Variants in SNX30 observed in about 807,000 individuals in gnomAD.
SNX30 encodes sorting nexin family member 30.
SNX30 carries 24 observed loss-of-function variants against 46.4 expected under a neutral mutation model. The ratio of observed to expected loss-of-function variants is 0.52; its 90% CI spans 0.37 to 0.73. SNX30 has a LOEUF of 0.73. Among genes scored for constraint, SNX30 ranks in the 30% least tolerant of loss-of-function variants. SNX30 has a pLI of 0.00. For missense variants in SNX30, 533 were observed against 555.7 expected (o/e 0.96, Z 0.41); for synonymous variants, 189 against 211.5 (o/e 0.89, Z 0.92).
chr9:112,848,191 C>G (rs1253894740), intron 6 of SNX30, among the ~76,000 whole-genome samples: 1 of 151,904 alleles, frequency 6.6e-6, no homozygotes, highest in Non-Finnish European at 1.5e-5. Flanking sequence ...GATGATGACT[C>G]TCTTCTGCTT....
Position 112,838,588 on chromosome 9 carries a change from C to T in SNX30, c.905C>T (p.Ser302Leu). 1 of 1,614,180 alleles carries T rather than the reference C, an allele frequency of 6.2e-7. No homozygotes were observed. The highest frequency in any genetic ancestry group is 2.2e-5 in the East Asian group (1 of 44,886). ...CTGGCTGAACCCCTGGAGGGTGTGT[C>T]AGCTTGCATTGGGAACTGCTCTACA... Reference protein sequence around the residue: ...GELAEPLEGVSACIGNCSTAL... With the variant: ...GELAEPLEGVLACIGNCSTAL... The change falls in exon 6 of 9, where the codon TCA becomes TTA. Residue 302 changes from serine (S) to leucine (L), a missense_variant. By Grantham distance (145) the Ser-to-Leu change is moderately radical (BLOSUM62 -2). Coordinates refer to ENST00000374232, the MANE Select transcript of SNX30 (RefSeq NM_001012994.2).
intron 2 of SNX30, among the ~76,000 whole-genome samples, chr9:112,807,891 T>C (rs920479563): frequency 6.6e-6 from 1 of 152,248 alleles, no homozygotes; most frequent in Non-Finnish European, 1.5e-5. Context: ...AGTCATTAAA[T>C]GCCTTAGAGT....
chr9:112,856,514 G>A (rs914420909), intron 7 of SNX30, among the ~76,000 whole-genome samples: 1 of 151,866 alleles, frequency 6.6e-6, no homozygotes, highest in Non-Finnish European at 1.5e-5. Flanking sequence ...GGTGTGTCGT[G>A]TGGAGGTGAC....
intron 1 of SNX30, among the ~76,000 whole-genome samples, chr9:112,764,671 G>A (rs1839504869): frequency 6.6e-6 from 1 of 152,140 alleles, no homozygotes; most frequent in Admixed American, 6.5e-5. Context: ...CAAGAAGAAG[G>A]CTGTTGCAGT....
rs75055874 is a variant in SNX30 at position 112,788,409 on chromosome 9, A to G, written c.157-16367A>G. Reference sequence around the variant, plus strand: ...CAGATGGTAGCACAGAAACATGTCAATGAGAACCAGGCTTTGTAAGATGAA... The same window carrying G: ...CAGATGGTAGCACAGAAACATGTCAGTGAGAACCAGGCTTTGTAAGATGAA... On this transcript the variant is annotated intron_variant, in intron 1 of 8. Coordinates refer to ENST00000374232, the MANE Select transcript of SNX30 (RefSeq NM_001012994.2). 7.2e-3 allele frequency among the ~76,000 whole-genome samples: 1,096 copies of G among 152,300 alleles called. 23 individuals carry two copies. The highest frequency in any genetic ancestry group is 4.4e-3 in the Non-Finnish European group (297 of 68,012).
intron 8 of SNX30, among the ~76,000 whole-genome samples, chr9:112,867,159 A>T (rs1421494903): frequency 8.8e-6 from 1 of 114,284 alleles, no homozygotes; most frequent in Non-Finnish European, 1.8e-5. Flanking sequence ...CTACCTCAGG[A>T]TTCCTTCTCA....
At chr9:112,855,227 TAA>T (rs770658023) in intron 7 of SNX30, among the ~76,000 whole-genome samples, 1 of 151,870 alleles carries the variant, frequency 6.6e-6, no homozygotes, top group Non-Finnish European at 1.5e-5. Context: ...TTTTTTTTTT[TAA>T]AAAGCCAGGG....
chr9:112,821,922 A>G (rs1472403998), intron 3 of SNX30, among the ~76,000 whole-genome samples: 1 of 152,012 alleles, frequency 6.6e-6, no homozygotes, highest in Non-Finnish European at 1.5e-5. Flanking sequence ...CTCCTCAGGT[A>G]TGTGTCACCA....
At chr9:112,823,721 A>AT (rs530369597) in intron 3 of SNX30, among the ~76,000 whole-genome samples, 40 of 150,514 alleles carry the variant, frequency 2.7e-4, no homozygotes, top group East Asian at 7.8e-4. Context: ...TAATGCAACA[A>AT]TTTTTTTTTT....
chr9:112,854,515 T>A (rs10817400), intron 7 of SNX30, among the ~76,000 whole-genome samples: 1 of 152,122 alleles, frequency 6.6e-6, no homozygotes. Context: ...ACACTGTGGC[T>A]GGGCCATCTT....
At chr9:112,843,658 A>C (rs1464668026) in intron 6 of SNX30, among the ~76,000 whole-genome samples, 3 of 113,466 alleles carry the variant, frequency 2.6e-5, no homozygotes, top group African/African-American at 3.4e-5. Flanking sequence ...ACAGAGTCTC[A>C]CTCTGTTGCC....
In SNX30 at chr9:112,836,208, C is replaced by T. The variant is rs1450691413; in HGVS notation, c.619-6C>T. On this transcript the variant is annotated splice_polypyrimidine_tract_variant and splice_region_variant and intron_variant, in intron 4 of 8. Transcript: ENST00000374232. ...TGCTTTGAGCTTATTCACATATCAT[C>T]CTCAGGACCTGAACGCCTACAAGAA... is the stretch of plus-strand genomic sequence containing the variant. 2 of 1,587,328 alleles carry T rather than the reference C, an allele frequency of 1.3e-6. No homozygotes were observed. Among genetic ancestry groups the T allele is most frequent in the Non-Finnish European group, 1.7e-6 (2 of 1,158,160 alleles).
At chr9:112,804,702 C>A in intron 1 of SNX30, 74 bp from the exon 2 acceptor site, 2 of 1,380,730 alleles carry the variant, frequency 1.4e-6, no homozygotes, top group South Asian at 1.5e-5. Context: ...ATTGGTTTGG[C>A]TAAACCAGCT....
chr9:112,851,066 A>G (rs1435030622), intron 7 of SNX30, 121 bp downstream of exon 7: 2 of 605,328 alleles, frequency 3.3e-6, no homozygotes, highest in Non-Finnish European at 5.8e-6. Context: ...TACGTTGATG[A>G]TGTTGTCCTT....
At chr9:112,879,685 CA>C (rs1841554202), downstream of SNX30, 6 of 1,402,342 alleles carry the variant, frequency 4.3e-6, no homozygotes, top group Non-Finnish European at 6.0e-6. Context: ...CTTAGGTCAC[CA>C]GTTCCCTGGT....
intron 2 of SNX30, among the ~76,000 whole-genome samples, chr9:112,805,772 A>G (rs1485492636): frequency 6.6e-6 from 1 of 152,184 alleles, no homozygotes; most frequent in East Asian, 1.9e-4. Context: ...CCCAGCCAAG[A>G]TCATAACAAT....
intron 1 of SNX30, among the ~76,000 whole-genome samples, chr9:112,777,607 T>A (rs1361346491): frequency 7.2e-5 from 9 of 124,946 alleles, no homozygotes; most frequent in Admixed American, 5.1e-4. Flanking sequence ...TTAATTTTTT[T>A]TTTTTTTTTT....
intron 8 of SNX30, among the ~76,000 whole-genome samples, chr9:112,867,205 C>G (rs1175469723): frequency 6.7e-6 from 1 of 149,502 alleles, no homozygotes; most frequent in African/African-American, 2.5e-5. Context: ...CCTGCCTCCT[C>G]AGGATTCCTC....
intron 2 of SNX30, among the ~76,000 whole-genome samples, chr9:112,807,768 C>A (rs1213307551): frequency 6.6e-6 from 1 of 152,204 alleles, no homozygotes; most frequent in East Asian, 1.9e-4. Context: ...GATTGAGAGG[C>A]TAACGCGCAA....
Sources: allele counts gnomAD v4.1 joint callset (sites outside exome capture counted in the v4.1 genomes callset), GRCh38; gene constraint gnomAD v4.1.1; transcripts MANE v1.5; gene names NCBI Gene and HGNC (gene_info 2026-07-23, HGNC 2026-07-21).